MYPN: variants seen among roughly 807,000 people sequenced by gnomAD.
MYPN encodes the protein sarcomeric protein myopalladin, 145 kDa (MYOP).
Under a neutral mutation model 129.4 loss-of-function variants are expected in MYPN, and 63 were observed. The ratio of observed to expected loss-of-function variants is 0.49; its 90% CI spans 0.40 to 0.60. MYPN has a LOEUF of 0.60. Ranked by LOEUF, MYPN falls within the 20% of genes least tolerant of loss-of-function variation. The pLI, the probability that MYPN is intolerant of heterozygous loss-of-function variation, is 0.00. For synonymous variants in MYPN, 629 were observed against 600.9 expected (o/e 1.05, Z -0.68); for missense variants, 1,596 against 1,635.4 (o/e 0.98, Z 0.42).
intron 1 of MYPN, among the ~76,000 whole-genome samples, chr10:68,088,048 G>A (rs752127197): frequency 6.6e-5 from 10 of 152,156 alleles, no homozygotes; most frequent in Non-Finnish European, 8.8e-5. Context: ...TTTCTTAAGG[G>A]GATGTCCAGA....
chr10:68,106,286 T>C, upstream of MYPN: 1 of 394,316 alleles, frequency 2.5e-6, no homozygotes, highest in Non-Finnish European at 4.9e-6. Context: ...TTTGAACTTT[T>C]AGTTTTTTTT....
At chr10:68,147,830 A>T (rs2042694623) in intron 4 of MYPN, among the ~76,000 whole-genome samples, 1 of 151,740 alleles carries the variant, frequency 6.6e-6, no homozygotes, top group African/African-American at 2.4e-5. Flanking sequence ...CCCTTCAAAT[A>T]CTCTCTTTAA....
At position 68,210,277 on chromosome 10, in the gene MYPN, A is replaced by AT. The variant is rs2043887885; in HGVS notation, c.3794-5dup. Reference sequence around the variant, plus strand: ...TTGATCATAACACATTATTTGGTCCATTTTCCAGCTCAGTGGCACCATCAG... The same window carrying AT: ...TTGATCATAACACATTATTTGGTCCATTTTTCCAGCTCAGTGGCACCATCAG... On this transcript the variant is annotated splice_polypyrimidine_tract_variant and intron_variant, in intron 19 of 19. Coordinates refer to ENST00000358913, the MANE Select transcript of MYPN (RefSeq NM_032578.4). 6.2e-7 allele frequency: 1 copy of AT among 1,612,924 alleles called. No homozygotes were observed. Among genetic ancestry groups the AT allele is most frequent in the Non-Finnish European group, 8.5e-7 (1 of 1,179,980 alleles).
intron 3 of MYPN, 109 bp from the exon 4 acceptor site, chr10:68,145,366 T>G: frequency 1.1e-6 from 1 of 878,198 alleles, no homozygotes; most frequent in Non-Finnish European, 1.8e-6. Flanking sequence ...TTCAGATATT[T>G]AGGAATCAGG....
At chr10:68,162,572 A>G (rs556790200) in intron 8 of MYPN, among the ~76,000 whole-genome samples, 5 of 152,362 alleles carry the variant, frequency 3.3e-5, no homozygotes, top group South Asian at 4.1e-4. Context: ...GGGCATAAAC[A>G]TCTGAATGCC....
chr10:68,163,441 A>G (rs2043008529), intron 8 of MYPN, among the ~76,000 whole-genome samples: 1 of 151,880 alleles, frequency 6.6e-6, no homozygotes, highest in African/African-American at 2.4e-5. Flanking sequence ...CCTGGCTAAC[A>G]CGGTGAAACC....
intron 1 of MYPN, among the ~76,000 whole-genome samples, chr10:68,096,969 G>A (rs2041959952): frequency 1.3e-5 from 2 of 152,086 alleles, no homozygotes; most frequent in Non-Finnish European, 2.9e-5. Flanking sequence ...TGGATATACT[G>A]CTCTGATATT....
chr10:68,118,813 G>A (rs1483243509), intron 1 of MYPN, among the ~76,000 whole-genome samples: 2 of 151,636 alleles, frequency 1.3e-5, no homozygotes, highest in African/African-American at 4.9e-5. Flanking sequence ...CATCCTGGGT[G>A]AGGGAGTGAG....
upstream of MYPN, among the ~76,000 whole-genome samples, chr10:68,108,434 A>G (rs191623425): frequency 6.8e-4 from 104 of 152,370 alleles, 1 homozygote; most frequent in African/African-American, 2.4e-3. Flanking sequence ...TTTTATACTC[A>G]GTACCTGGTA....
intron 16 of MYPN, 56 bp downstream of exon 16, chr10:68,197,534 G>T: frequency 6.2e-7 from 1 of 1,602,676 alleles, no homozygotes; most frequent in Non-Finnish European, 8.5e-7. Flanking sequence ...GTATTTGTTT[G>T]CATTCATTTT....
intron 8 of MYPN, among the ~76,000 whole-genome samples, chr10:68,164,231 C>T (rs1457536284): frequency 1.3e-5 from 2 of 152,184 alleles, no homozygotes; most frequent in Non-Finnish European, 2.9e-5. Context: ...CTGGTGAGGG[C>T]CTTCATGCTG....
At chr10:68,155,732 A>C (rs2042861453) in intron 6 of MYPN, among the ~76,000 whole-genome samples, 1 of 152,190 alleles carries the variant, frequency 6.6e-6, no homozygotes, top group South Asian at 2.1e-4. Flanking sequence ...CTTTGTAGAA[A>C]AGCAGCTTTC....
At chr10:68,151,838 T>C (rs1282700127) in intron 6 of MYPN, among the ~76,000 whole-genome samples, 1 of 152,210 alleles carries the variant, frequency 6.6e-6, no homozygotes, top group Non-Finnish European at 1.5e-5. Flanking sequence ...TGCATCTATG[T>C]CTAGGAAAAG....
chr10:68,133,533 T>A (rs1028088242), intron 2 of MYPN, among the ~76,000 whole-genome samples: 2 of 152,004 alleles, frequency 1.3e-5, no homozygotes, highest in African/African-American at 4.8e-5. Flanking sequence ...TCATGGTAAA[T>A]CTGCCAATAA....
At position 68,210,872 on chromosome 10, in the gene MYPN, G is replaced by A. The variant is rs1461799929; in HGVS notation, c.*417G>A. On this transcript the variant is annotated 3_prime_UTR_variant, in exon 20 of 20. Transcript: ENST00000358913. Reference sequence around the variant, plus strand: ...TGACTAACTCACCAAACAATGCCAAGGAGAAAGGCGGACAGGTCACCATCA... The same window carrying A: ...TGACTAACTCACCAAACAATGCCAAAGAGAAAGGCGGACAGGTCACCATCA... 7 of 456,012 alleles carry A rather than the reference G, an allele frequency of 1.5e-5. No individual in the cohort carries two copies. The highest frequency in any genetic ancestry group is 1.2e-4 in the African/African-American group (6 of 50,056). The allele number at this position is 456,012 out of a possible 1,614,324, so 28.2% of individuals were successfully genotyped here. A position where few individuals can be genotyped will look rare whatever the true frequency, so the allele number is the denominator to read the frequency against.
upstream of MYPN, among the ~76,000 whole-genome samples, chr10:68,108,745 A>G (rs1159957130): frequency 6.6e-6 from 1 of 151,926 alleles, no homozygotes; most frequent in Non-Finnish European, 1.5e-5. Context: ...TTTTTGAGAC[A>G]GAGTTTCGCT....
chr10:68,152,736 A>T (rs941145960), intron 6 of MYPN, among the ~76,000 whole-genome samples: 2 of 152,102 alleles, frequency 1.3e-5, no homozygotes, highest in Non-Finnish European at 2.9e-5. Context: ...CCCCGGGTTT[A>T]AGCGATTCTC....
intron 5 of MYPN, among the ~76,000 whole-genome samples, chr10:68,149,281 C>A (rs1436576688): frequency 6.6e-6 from 1 of 152,144 alleles, no homozygotes; most frequent in African/African-American, 2.4e-5. Context: ...TACTCCAGTG[C>A]CTTCACTCCT....
chr10:68,185,267 AAAAG>A lies in MYPN; in HGVS notation c.2704-3626_2704-3623del, dbSNP rs573960938. 2.4e-3 allele frequency among the ~76,000 whole-genome samples: 371 copies of A among 152,028 alleles called. 2 individuals carry two copies. The highest frequency in any genetic ancestry group is 8.2e-3 in the African/African-American group (341 of 41,480). On this transcript the variant is annotated intron_variant, in intron 12 of 19. Coordinates refer to ENST00000358913, the MANE Select transcript of MYPN (RefSeq NM_032578.4). Reference sequence around the variant, plus strand: ...AGGAAAGGAAAAAAGAAAAGAGAAAAAAAGAAAGAAAGAAACTGGGACTTCTGCT... The same window carrying A: ...AGGAAAGGAAAAAAGAAAAGAGAAAAAAAGAAAGAAACTGGGACTTCTGCT...
Sources: allele counts gnomAD v4.1 joint callset (sites outside exome capture counted in the v4.1 genomes callset), GRCh38; gene constraint gnomAD v4.1.1; transcripts MANE v1.5; gene names NCBI Gene and HGNC (gene_info 2026-07-23, HGNC 2026-07-21).